The following MILR1 variants were observed in gnomAD, a reference collection of about 807,000 sequenced individuals.
The protein encoded by MILR1 is mast cell immunoglobulin like receptor 1.
A neutral mutation model predicts 18.5 loss-of-function variants in MILR1; 31 were observed. The observed-to-expected ratio is 1.68, with a 90% CI of 1.26 to 2.26. The LOEUF (loss-of-function observed/expected upper bound fraction) is 2.26, where lower values mean the gene tolerates loss of function less well. MILR1 is among the 30% of genes most tolerant of loss of function. The pLI is 0.00. For missense variants in MILR1, 257 were observed against 157.4 expected (o/e 1.63, Z -3.38); for synonymous variants, 85 against 56.2 (o/e 1.51, Z -2.30).
At chr17:64,475,659 AAAAAAC>A in the MILR1 span, among the ~76,000 whole-genome samples, 3 of 151,402 alleles carry the variant, frequency 2.0e-5, no homozygotes, top group African/African-American at 7.3e-5. Context: ...CAAAAAAAAA[AAAAAAC>A]AACAAAAAAA....
rs1366439790 is a variant in MILR1 at position 64,449,229 on chromosome 17, C to T, written c.55+6C>T. On this transcript the variant is annotated splice_donor_region_variant and intron_variant, in intron 1 of 9. Transcript: ENST00000619286. ...CATATTTTCTTCTGTCACTTGTAAG[C>T]CCCCCTTATCATTCTGAGGCTCGAA... The T allele has an allele frequency of 2.3e-5, 11 of 473,262 alleles. No homozygotes were observed. Among genetic ancestry groups the T allele is most frequent in the Non-Finnish European group, 3.9e-5 (10 of 258,198 alleles). 29.3% of individuals were successfully genotyped at this position (473,262 alleles called of 1,614,324 possible).
chr17:64,456,469 G>T (rs967030639), intron 3 of MILR1, among the ~76,000 whole-genome samples: 1 of 152,096 alleles, frequency 6.6e-6, no homozygotes, highest in Non-Finnish European at 1.5e-5. Context: ...GGAAGTGAAA[G>T]ATAATTGTGC....
At chr17:64,466,538 C>A (rs782074297) in intron 7 of MILR1, 40 bp downstream of exon 7, 2 of 1,611,336 alleles carry the variant, frequency 1.2e-6, no homozygotes, top group Non-Finnish European at 1.7e-6. Flanking sequence ...TGCCCTCATG[C>A]GCTTAGAAAT....
chr17:64,489,242 C>T, the MILR1 span, among the ~76,000 whole-genome samples: 1 of 150,216 alleles, frequency 6.7e-6, no homozygotes, highest in South Asian at 2.1e-4. Flanking sequence ...CACACTGTAA[C>T]CCCCTGAGAA....
chr17:64,459,001 C>A (rs1384525774), intron 4 of MILR1, among the ~76,000 whole-genome samples: 1 of 152,144 alleles, frequency 6.6e-6, no homozygotes, highest in African/African-American at 2.4e-5. Context: ...AGGTCGGGAG[C>A]GGGGCAGCCC....
At chr17:64,492,619 A>G in the MILR1 span, 2 of 1,092,408 alleles carry the variant, frequency 1.8e-6, no homozygotes, top group African/African-American at 3.1e-5. Flanking sequence ...TGACACATTA[A>G]GACAATTTAT....
At chr17:64,454,442 A>G (rs1231861106) in intron 3 of MILR1, among the ~76,000 whole-genome samples, 1 of 152,216 alleles carries the variant, frequency 6.6e-6, no homozygotes. Context: ...AGTCTCAGTT[A>G]CATTTCAAGG....
At chr17:64,475,813 T>C in the MILR1 span, among the ~76,000 whole-genome samples, 2 of 137,920 alleles carry the variant, frequency 1.5e-5, no homozygotes, top group Non-Finnish European at 3.1e-5. Flanking sequence ...ACTTCCTTTT[T>C]TTTTTTTTTT....
Position 64,449,224 on chromosome 17 carries a change from G to A in MILR1, c.55+1G>A, listed in dbSNP as rs1390363540. ...TGGAGCATATTTTCTTCTGTCACTT[G>A]TAAGCCCCCCTTATCATTCTGAGGC... On this transcript the variant is annotated splice_donor_variant, in intron 1 of 9. Transcript: ENST00000619286. LOFTEE classifies it high-confidence loss of function. 10 of 473,452 alleles carry A rather than the reference G, an allele frequency of 2.1e-5. No homozygotes were observed. The East Asian group carries it at 2.8e-4, about 13-fold the overall frequency. The allele number at this position is 473,452 out of a possible 1,614,324, so 29.3% of individuals were successfully genotyped here.
the MILR1 span, chr17:64,491,520 A>C: frequency 6.6e-7 from 1 of 1,525,758 alleles, no homozygotes; most frequent in Non-Finnish European, 9.0e-7. Flanking sequence ...TAAAAAAACC[A>C]AGATGGAGTC....
the MILR1 span, chr17:64,491,043 G>A: frequency 8.8e-7 from 1 of 1,139,564 alleles, no homozygotes; most frequent in Non-Finnish European, 1.3e-6. Context: ...TTATCTGTAA[G>A]AATTTAAATT....
rs377003966 is a variant in MILR1, at chr17:64,466,614, C to A, written c.931C>A (p.Leu311Ile). The A allele has an allele frequency of 1.2e-6, 2 of 1,611,150 alleles. No individual in the cohort carries two copies. The highest frequency in any genetic ancestry group is 2.7e-5 in the African/African-American group (2 of 74,874). ...CCCAGAGGCCAAACACTCCCAGGAGCTACAGTATGCCACCCCCGTGTTCCA... is the reference window on the plus strand; with the variant it reads ...CCCAGAGGCCAAACACTCCCAGGAGATACAGTATGCCACCCCCGTGTTCCA... ...AQDEAKHSQE[L>I]QYATPVFQEV... Residue 311 changes from leucine to isoleucine, a missense_variant, in exon 8 of 10, where the codon CTA (leucine) becomes ATA (isoleucine). Leu to Ile is a conservative substitution (Grantham distance 5). Coordinates refer to ENST00000619286, the MANE Select transcript of MILR1 (RefSeq NM_001085423.2).
At chr17:64,455,602 T>C (rs1458793255) in intron 3 of MILR1, among the ~76,000 whole-genome samples, 1 of 146,416 alleles carries the variant, frequency 6.8e-6, no homozygotes, top group Admixed American at 7.0e-5. Flanking sequence ...TACAGGCGCC[T>C]GCCACCACGC....
At chr17:64,449,429 G>A (rs2037115827) in intron 2 of MILR1, 74 bp downstream of exon 2, 1 of 419,312 alleles carries the variant, frequency 2.4e-6, no homozygotes. Flanking sequence ...TGCAACATAA[G>A]CGTCCATTCA....
the MILR1 span, among the ~76,000 whole-genome samples, chr17:64,474,468 G>T: frequency 6.6e-6 from 1 of 151,982 alleles, no homozygotes; most frequent in African/African-American, 2.4e-5. Flanking sequence ...TTGACTCCCC[G>T]GGCTCAAGCC....
chr17:64,475,787 A>G, the MILR1 span, among the ~76,000 whole-genome samples: 5 of 151,158 alleles, frequency 3.3e-5, no homozygotes, highest in Non-Finnish European at 5.9e-5. Flanking sequence ...AAAAGAAACA[A>G]ACAGACACTA....
the MILR1 span, chr17:64,485,748 T>G: frequency 1.2e-6 from 2 of 1,613,402 alleles, no homozygotes; most frequent in East Asian, 2.2e-5. Flanking sequence ...AGATTTTTCT[T>G]TCTTGTAAAG....
At chr17:64,497,146 C>G in the MILR1 span, 1 of 690,750 alleles carries the variant, frequency 1.4e-6, no homozygotes, top group Non-Finnish European at 2.6e-6. Flanking sequence ...AGCCGTCCCC[C>G]GCCCACCATG....
rs2067039687 is a variant in MILR1 at position 64,460,938 on chromosome 17, T to C, written c.763+6T>C. 2.1e-6 allele frequency: 1 copy of C among 474,184 alleles called. No homozygotes were observed. Among genetic ancestry groups the C allele is most frequent in the Non-Finnish European group, 3.9e-6 (1 of 258,372 alleles). 29.4% of individuals were successfully genotyped at this position (474,184 alleles called of 1,614,324 possible). A position where few individuals can be genotyped will look rare whatever the true frequency, so the allele number is the denominator to read the frequency against. ...ACTGCCCAAATACAAAACAAGTAAG[T>C]TCTTTTAGTCGCTTTACCACCCGTT... On this transcript the variant is annotated splice_donor_region_variant and intron_variant, in intron 5 of 9. Transcript: ENST00000619286.
Sources: gnomAD v4.1 joint callset for allele counts (sites outside exome capture counted in the v4.1 genomes callset) on GRCh38, gnomAD v4.1.1 for gene constraint, MANE v1.5 for transcripts, NCBI Gene and HGNC (gene_info 2026-07-23, HGNC 2026-07-21) for gene names.